KDM4B: variants seen among roughly 807,000 people sequenced by gnomAD.
KDM4B encodes the protein lysine demethylase 4B, also known as lysine-specific demethylase 4B.
A neutral mutation model predicts 125.2 loss-of-function variants in KDM4B; 32 were observed. That is an observed-to-expected ratio of 0.26 (90% CI 0.19 to 0.34). The LOEUF (loss-of-function observed/expected upper bound fraction) is 0.34, where lower values mean the gene tolerates loss of function less well. KDM4B is among the 10% of genes least tolerant of loss of function. KDM4B has a pLI of 1.00. For synonymous variants in KDM4B, 721 were observed against 677.9 expected, an observed-to-expected ratio of 1.06 and a Z score of -0.99; for missense variants, 1,190 against 1,577.7, an observed-to-expected ratio of 0.75 and a Z score of 4.16.
chr19:5,044,558 T>C (rs2036963148), intron 5 of KDM4B, among the ~76,000 whole-genome samples: 1 of 152,224 alleles, frequency 6.6e-6, no homozygotes, highest in African/African-American at 2.4e-5. Context: ...TGTTTGTTTC[T>C]TTGTCTTTGA....
intron 6 of KDM4B, among the ~76,000 whole-genome samples, chr19:5,050,081 C>T (rs2037171599): frequency 6.6e-6 from 1 of 152,232 alleles, no homozygotes; most frequent in Non-Finnish European, 1.5e-5. Flanking sequence ...GTCTGTCTCC[C>T]TCATTACACT....
intron 2 of KDM4B, among the ~76,000 whole-genome samples, chr19:5,027,203 G>A (rs1157399508): frequency 6.6e-6 from 1 of 152,248 alleles, no homozygotes; most frequent in Non-Finnish European, 1.5e-5. Context: ...CCCTGCGTCT[G>A]TTTCCACATC....
rs1205918058 is a variant in KDM4B at position 5,039,362 on chromosome 19, G to T, written c.142-474G>T. On this transcript the variant is annotated intron_variant, in intron 3 of 22. Transcript: ENST00000159111. ...CCCCACTACTCGGGAGGCTGAGGTG[G>T]GAGGATCACGTGAGTCCAGGAGTTG... 3.3e-5 allele frequency among the ~76,000 whole-genome samples: 5 copies of T among 152,298 alleles called. No individual in the cohort carries two copies. The South Asian group carries it at 8.3e-4, about 25-fold the overall frequency.
chr19:4,976,430 T>C (rs1035287900), intron 1 of KDM4B, among the ~76,000 whole-genome samples: 10 of 152,128 alleles, frequency 6.6e-5, no homozygotes, highest in African/African-American at 2.4e-4. Flanking sequence ...TCTCTTGCTC[T>C]GGGATTCACG....
At chr19:5,060,663 G>A (rs994678074) in intron 6 of KDM4B, among the ~76,000 whole-genome samples, 1 of 152,098 alleles carries the variant, frequency 6.6e-6, no homozygotes, top group African/African-American at 2.4e-5. Context: ...CCTGGTTGTT[G>A]ATGAGCAGAA....
intron 6 of KDM4B, among the ~76,000 whole-genome samples, chr19:5,062,365 G>A (rs1283602196): frequency 6.6e-6 from 1 of 152,368 alleles, no homozygotes; most frequent in Non-Finnish European, 1.5e-5. Context: ...GCCATCGGTA[G>A]CATGCCTTTC....
At chr19:5,033,091 C>T in intron 3 of KDM4B, 60 bp downstream of exon 3, 2 of 1,577,350 alleles carry the variant, frequency 1.3e-6, no homozygotes, top group South Asian at 1.1e-5. Flanking sequence ...GGCCTGCGGA[C>T]ATCCTGGGTC....
At chr19:5,090,107 A>C (rs1398124785) in intron 9 of KDM4B, among the ~76,000 whole-genome samples, 2 of 152,022 alleles carry the variant, frequency 1.3e-5, no homozygotes, top group Non-Finnish European at 2.9e-5. Context: ...TGGAAAGAGG[A>C]CAGAGTGGAA....
chr19:5,039,543 G>C (rs2036736967), intron 3 of KDM4B, among the ~76,000 whole-genome samples: 1 of 152,224 alleles, frequency 6.6e-6, no homozygotes. Context: ...TATGTTTGCT[G>C]AGTCTAATCC....
At chr19:5,047,769 C>T in intron 6 of KDM4B, 100 bp downstream of exon 6, 3 of 1,178,928 alleles carry the variant, frequency 2.5e-6, no homozygotes, top group Non-Finnish European at 3.6e-6. Context: ...GGGGCCCCAC[C>T]AGGTGAGGCC....
chr19:5,057,538 C>T (rs1442390254), intron 6 of KDM4B, among the ~76,000 whole-genome samples: 2 of 152,224 alleles, frequency 1.3e-5, no homozygotes, highest in African/African-American at 2.4e-5. Flanking sequence ...TGATCGTAAG[C>T]CTTGCTATCA....
chr19:5,104,944 A>T (rs1005554116), intron 9 of KDM4B, among the ~76,000 whole-genome samples: 3 of 152,126 alleles, frequency 2.0e-5, no homozygotes, highest in South Asian at 4.1e-4. Context: ...TCCCAGCCGG[A>T]ATGTGCAAAG....
intron 9 of KDM4B, among the ~76,000 whole-genome samples, chr19:5,083,235 C>T (rs1251400163): frequency 6.6e-6 from 1 of 152,224 alleles, no homozygotes; most frequent in Non-Finnish European, 1.5e-5. Flanking sequence ...TGGCTGTTCT[C>T]GACCATGCGG....
intron 1 of KDM4B, among the ~76,000 whole-genome samples, chr19:4,991,057 G>T (rs2035015642): frequency 6.6e-6 from 1 of 152,242 alleles, no homozygotes; most frequent in East Asian, 1.9e-4. Flanking sequence ...GGCGGAGGAT[G>T]CAGTGAGCTG....
intron 2 of KDM4B, among the ~76,000 whole-genome samples, chr19:5,024,671 C>T (rs926787886): frequency 6.6e-6 from 1 of 151,950 alleles, no homozygotes; most frequent in Admixed American, 6.6e-5. Flanking sequence ...GGCTTTAAGG[C>T]CAGGTGCAGT....
At position 5,135,409 on chromosome 19, in the gene KDM4B, A is replaced by G. The variant is rs1039239444; in HGVS notation, c.2156A>G (p.Lys719Arg). 5 of 1,613,510 alleles carry G rather than the reference A, an allele frequency of 3.1e-6. No homozygotes were observed. The highest frequency in any genetic ancestry group is 2.7e-5 in the African/African-American group (2 of 74,926). The change falls in exon 15 of 23, where the codon AAA (lysine) becomes AGA (arginine). Residue 719 changes from lysine (K) to arginine (R), a missense_variant. Lys to Arg is a conservative substitution (Grantham distance 26). Around this residue, in one of 7 missense-constraint regions of KDM4B, gnomAD observed 128 missense variants for 137.8 expected, o/e 0.93. Transcript: ENST00000159111. The part of the protein sequence containing the change: ...GEGCPATLPS[K>R]SRQKTRPLIP... ...GGCTGCCCGGCCACATTACCCTCCA[A>G]AAGCCGTCAGAAGACCCGACCGCTC...
At chr19:4,986,291 G>A (rs1443091723) in intron 1 of KDM4B, among the ~76,000 whole-genome samples, 1 of 152,264 alleles carries the variant, frequency 6.6e-6, no homozygotes, top group East Asian at 1.9e-4. Flanking sequence ...TGGGACCCGA[G>A]CTCGTGAACT....
intron 1 of KDM4B, among the ~76,000 whole-genome samples, chr19:4,975,953 A>G (rs1367860051): frequency 6.6e-6 from 1 of 151,594 alleles, no homozygotes; most frequent in East Asian, 2.0e-4. Flanking sequence ...TAGCCTTAAA[A>G]AAAAAATGGG....
At chr19:5,009,441 G>T (rs1172865389) in intron 1 of KDM4B, among the ~76,000 whole-genome samples, 1 of 152,200 alleles carries the variant, frequency 6.6e-6, no homozygotes, top group Non-Finnish European at 1.5e-5. Context: ...AAGGGATGTG[G>T]TGGTGTCCAC....
Sources: allele counts gnomAD v4.1 joint callset (sites outside exome capture counted in the v4.1 genomes callset), GRCh38; gene constraint gnomAD v4.1.1; regional missense constraint gnomAD v4.1.1; transcripts MANE v1.5; gene names NCBI Gene and HGNC (gene_info 2026-07-23, HGNC 2026-07-21).